DMD: variants seen among roughly 807,000 people sequenced by gnomAD.
DMD encodes the protein dystrophin.
DMD carries 63 observed loss-of-function variants against 330.1 expected under a neutral mutation model. The ratio of observed to expected loss-of-function variants is 0.19; its 90% confidence interval spans 0.16 to 0.24. The LOEUF is 0.24. Among genes scored for constraint, DMD ranks in the 10% least tolerant of loss-of-function variants. The pLI, the probability that DMD is intolerant of heterozygous loss-of-function variation, is 1.00. For missense variants in DMD, 3,344 were observed against 2,684.1 expected (o/e 1.25, Z -5.43); for synonymous variants, 1,223 against 959.8 (o/e 1.27, Z -5.07).
chrX:31,867,864 G>GA (rs200794818), intron 48 of DMD, among the ~76,000 whole-genome samples: 24 of 107,838 alleles, frequency 2.2e-4, no homozygotes, highest in African/African-American at 6.7e-4. Flanking sequence ...TGGCACCAGG[G>GA]AAAAAAAAAA....
Position 31,875,260 on chromosome X carries a change from C to T in DMD, c.7026G>A (p.Leu2342=), listed in dbSNP as rs764759680. 8.3e-7 allele frequency: 1 copy of T among 1,202,441 alleles called. No individual in the cohort carries two copies. The highest frequency in any genetic ancestry group is 2.2e-5 in the Admixed American group (1 of 45,532). ...DLEEQLNHLL[L]WLSPIRNQLE... is the part of the protein sequence containing the mutation. ...ACTGATTCCTAATAGGAGATAACCA[C>T]AGCAGCAGATGATTTAACTGCTCTT... The change falls in exon 48 of 79, where the codon CTG becomes CTA. Residue 2342 remains leucine (L), a synonymous_variant. Coordinates refer to ENST00000357033, the MANE Select transcript of DMD (RefSeq NM_004006.3).
At chrX:32,937,053 A>T (rs966724609) in intron 2 of DMD, among the ~76,000 whole-genome samples, 2 of 111,331 alleles carry the variant, frequency 1.8e-5, no homozygotes, top group Non-Finnish European at 3.8e-5. Flanking sequence ...TTGATTTCTC[A>T]ATCTCGGGGT....
intron 62 of DMD, chrX:31,266,808 A>G: frequency 1.7e-6 from 2 of 1,202,445 alleles, no homozygotes; most frequent in Non-Finnish European, 2.2e-6. Flanking sequence ...CGATCCACTT[A>G]CCCTTTGAGC....
At chrX:32,359,116 C>G (rs184710385) in intron 37 of DMD, among the ~76,000 whole-genome samples, 18 of 111,498 alleles carry the variant, frequency 1.6e-4, no homozygotes, top group Non-Finnish European at 3.2e-4. Flanking sequence ...CACCATACTG[C>G]TCCTTGCTGA....
intron 2 of DMD, among the ~76,000 whole-genome samples, chrX:32,937,070 G>A (rs2090071898): frequency 9.0e-6 from 1 of 110,959 alleles, no homozygotes; most frequent in Non-Finnish European, 1.9e-5. Context: ...GGGTATGTGA[G>A]GCCAGTTTGC....
chrX:31,157,772 C>G (rs1054038190), intron 74 of DMD, among the ~76,000 whole-genome samples: 8 of 109,424 alleles, frequency 7.3e-5, no homozygotes, highest in African/African-American at 2.7e-4. Flanking sequence ...ATGGCCTCCT[C>G]TATTACAATG....
rs1407141219 is a variant in DMD, at chrX:32,940,280, C to G, written c.93+79859G>C. Among the ~76,000 whole-genome samples the G allele has an allele frequency of 5.4e-5, 6 of 111,985 alleles. No homozygotes were observed. The East Asian group carries it at 1.4e-3, about 26-fold the overall frequency. ...TGAGAGTAAATTGTAAGTTTTCTTACCACAGACACAAAATAACTATGTGAA... is the reference window on the plus strand; with the variant it reads ...TGAGAGTAAATTGTAAGTTTTCTTAGCACAGACACAAAATAACTATGTGAA... On this transcript the variant is annotated intron_variant, in intron 2 of 78. Transcript: ENST00000357033.
chrX:32,279,458 C>T (rs772694024), intron 43 of DMD, among the ~76,000 whole-genome samples: 50 of 111,569 alleles, frequency 4.5e-4, no homozygotes, highest in African/African-American at 1.6e-3. Context: ...GATACATATA[C>T]GTAATAGAGT....
At chrX:31,825,069 C>G (rs1002377195) in intron 49 of DMD, among the ~76,000 whole-genome samples, 3 of 111,976 alleles carry the variant, frequency 2.7e-5, no homozygotes, top group African/African-American at 9.7e-5. Flanking sequence ...AGATATTTTC[C>G]TGTCCTGACA....
At chrX:31,571,198 C>A (rs2075792687) in intron 55 of DMD, among the ~76,000 whole-genome samples, 1 of 109,147 alleles carries the variant, frequency 9.2e-6, no homozygotes, top group African/African-American at 3.4e-5. Context: ...TATATGTATT[C>A]TCTGACAAAA....
chrX:31,949,365 A>G (rs775205024), intron 45 of DMD, among the ~76,000 whole-genome samples: 1 of 111,499 alleles, frequency 9.0e-6, no homozygotes, highest in South Asian at 3.7e-4. Flanking sequence ...CAGGTTTAGT[A>G]CTTATATTTT....
Position 31,350,628 on chromosome X carries a change from TGTGTGAGA to T in DMD, c.9085-2002_9085-1995del, listed in dbSNP as rs1218706326. Among the ~76,000 whole-genome samples, 411 of 52,664 alleles carry T rather than the reference TGTGTGAGA, an allele frequency of 7.8e-3. 4 individuals carry two copies. The highest frequency in any genetic ancestry group is 0.029 in the African/African-American group (352 of 12,293). 45.7% of individuals were successfully genotyped at this position (52,664 alleles called of 115,157 possible). ...GTGTGTGTGTGTGTGTGTGTGTGTG[TGTGTGAGA>T]GAGAGAGAGAGAGAGAGAGAGAGAA... On this transcript the variant is annotated intron_variant, in intron 60 of 78. Transcript: ENST00000357033.
chrX:32,546,237 G>T (rs530728706), intron 16 of DMD, among the ~76,000 whole-genome samples: 2 of 105,757 alleles, frequency 1.9e-5, no homozygotes, highest in South Asian at 8.9e-4. Flanking sequence ...CTCCTCTCAT[G>T]ACGATTGTAA....
At position 33,090,174 on chromosome X, in the gene DMD, T is replaced by C. The variant is rs1325793633; in HGVS notation, c.32-69974A>G. Among the ~76,000 whole-genome samples, 7 of 110,429 alleles carry C rather than the reference T, an allele frequency of 6.3e-5. No homozygotes were observed. In the East Asian group the frequency reaches 1.7e-3, roughly 27 times the overall value. ...TCGGAGATACATGGAATTTGTTTGCTTCGACTGGCCATCTCACAAAGCTCA... is the reference window on the plus strand; with the variant it reads ...TCGGAGATACATGGAATTTGTTTGCCTCGACTGGCCATCTCACAAAGCTCA... On this transcript the variant is annotated intron_variant, in intron 1 of 78. Coordinates refer to ENST00000357033, the MANE Select transcript of DMD (RefSeq NM_004006.3).
chrX:32,309,728 C>G (rs2097554518), intron 42 of DMD, among the ~76,000 whole-genome samples: 1 of 110,775 alleles, frequency 9.0e-6, no homozygotes, highest in Non-Finnish European at 1.9e-5. Context: ...TCTAATTTCC[C>G]TTTTTGGAAA....
intron 53 of DMD, among the ~76,000 whole-genome samples, chrX:31,673,591 G>T (rs765798971): frequency 5.4e-5 from 6 of 110,796 alleles, no homozygotes; most frequent in Non-Finnish European, 1.1e-4. Flanking sequence ...CTGGGTGACA[G>T]AGTGAGACTC....
rs192877686 is a variant in DMD at position 33,024,280 on chromosome X, C to A, written c.32-4080G>T. Among the ~76,000 whole-genome samples, 27 of 112,138 alleles carry A rather than the reference C, an allele frequency of 2.4e-4. No homozygotes were observed. In the East Asian group the frequency reaches 4.8e-3, roughly 20 times the overall value. ...GCTCCTGTTTAGTCATTTCAAGCAGCACATATTCTATTTCATTTCCTTTAG... is the reference window on the plus strand; with the variant it reads ...GCTCCTGTTTAGTCATTTCAAGCAGAACATATTCTATTTCATTTCCTTTAG... On this transcript the variant is annotated intron_variant, in intron 1 of 78. Transcript: ENST00000357033.
chrX:32,342,021 C>CT lies in DMD; in HGVS notation c.5922+78dup, dbSNP rs3833416. ...AAAACTGTACCCAGATTTTTTGTCT[C>CT]TTTTTTTTTTATTAGTAGGCCTCTG... On this transcript the variant is annotated intron_variant, in intron 41 of 78. Coordinates refer to ENST00000357033, the MANE Select transcript of DMD (RefSeq NM_004006.3). 1,014 of 978,080 alleles carry CT rather than the reference C, an allele frequency of 1.0e-3. 2 individuals are homozygous for CT. Among genetic ancestry groups the CT allele is most frequent in the African/African-American group, 1.5e-3 (70 of 47,977 alleles). The allele number at this position is 978,080 out of a possible 1,213,427, so 80.6% of individuals were successfully genotyped here. A position where few individuals can be genotyped will look rare whatever the true frequency, so the allele number is the denominator to read the frequency against.
intron 51 of DMD, among the ~76,000 whole-genome samples, chrX:31,770,509 T>C (rs182668885): frequency 8.9e-6 from 1 of 112,265 alleles, no homozygotes; most frequent in Non-Finnish European, 1.9e-5. Context: ...CCCTTCTCGT[T>C]TTATCTAGCT....
Sources: allele counts gnomAD v4.1 joint callset (sites outside exome capture counted in the v4.1 genomes callset), GRCh38; gene constraint gnomAD v4.1.1; transcripts MANE v1.5; gene names NCBI Gene and HGNC (gene_info 2026-07-23, HGNC 2026-07-21).